EPHB1: variants seen among roughly 807,000 people sequenced by gnomAD.
EPHB1 encodes the protein ephrin type-B receptor 1.
EPHB1 carries 30 observed loss-of-function variants against 94.4 expected under a neutral mutation model. The observed-to-expected ratio is 0.32, with a 90% CI of 0.24 to 0.43. The LOEUF (loss-of-function observed/expected upper bound fraction) is 0.43. Among genes scored for constraint, EPHB1 ranks in the 20% least tolerant of loss-of-function variants. The probability of loss-of-function intolerance (pLI) is 1.00; values close to 1 mark genes in which losing one functional copy is unlikely to be tolerated. For synonymous variants in EPHB1, 522 were observed against 489.1 expected, an observed-to-expected ratio of 1.07 and a Z score of -0.89; for missense variants, 1,055 against 1,308.3, an observed-to-expected ratio of 0.81 and a Z score of 2.99.
At chr3:135,233,230 A>ATTAG (rs750626426) in intron 12 of EPHB1, among the ~76,000 whole-genome samples, 1 of 152,234 alleles carries the variant, frequency 6.6e-6, no homozygotes, top group Non-Finnish European at 1.5e-5. Context: ...TCAAAAGCAA[A>ATTAG]TTAGTTACTT....
Position 134,890,356 on chromosome 3 carries a change from C to T in EPHB1, c.59-35460C>T, listed in dbSNP as rs550322279. Reference sequence around the variant, plus strand: ...TCCATCCATGTTGAGACAAGTTGCTCTAGTCCATTACTGCCAAAGCTTTAT... The same window carrying T: ...TCCATCCATGTTGAGACAAGTTGCTTTAGTCCATTACTGCCAAAGCTTTAT... On this transcript the variant is annotated intron_variant, in intron 1 of 15. Transcript: ENST00000398015. 5.3e-4 allele frequency among the ~76,000 whole-genome samples: 80 copies of T among 152,348 alleles called. No homozygotes were observed. The South Asian group carries it at 7.1e-3, about 13-fold the overall frequency.
chr3:134,831,778 C>T (rs548347215), intron 1 of EPHB1, among the ~76,000 whole-genome samples: 2 of 152,320 alleles, frequency 1.3e-5, no homozygotes, highest in South Asian at 2.1e-4. Context: ...GTTACAGAAG[C>T]AATACGTGCT....
chr3:135,214,716 A>T (rs955505056), intron 12 of EPHB1, among the ~76,000 whole-genome samples: 7 of 152,186 alleles, frequency 4.6e-5, no homozygotes, highest in African/African-American at 1.7e-4. Flanking sequence ...GAGAGCATGC[A>T]TTTCAGCCAC....
chr3:135,255,191 GT>G (rs1389313483), intron 15 of EPHB1, among the ~76,000 whole-genome samples: 1 of 151,978 alleles, frequency 6.6e-6, no homozygotes, highest in East Asian at 1.9e-4. Context: ...TTTTTGAAGG[GT>G]TTTTTATGTC....
At chr3:135,172,046 C>A (rs773844802) in intron 9 of EPHB1, among the ~76,000 whole-genome samples, 16 of 152,176 alleles carry the variant, frequency 1.1e-4, no homozygotes, top group Non-Finnish European at 2.2e-4. Context: ...TAAACAGTGT[C>A]TTCTGTGTGG....
At chr3:134,962,559 G>T (rs6768899) in intron 3 of EPHB1, among the ~76,000 whole-genome samples, 1 of 151,748 alleles carries the variant, frequency 6.6e-6, no homozygotes, top group South Asian at 2.1e-4. Context: ...GGCCGAATCT[G>T]CCTGGTTTGC....
intron 1 of EPHB1, among the ~76,000 whole-genome samples, chr3:134,806,879 G>T (rs528317987): frequency 5.3e-4 from 81 of 152,328 alleles, no homozygotes; most frequent in African/African-American, 1.8e-3. Context: ...GCTATAAAGG[G>T]AGTAAACAAG....
In EPHB1 at chr3:135,176,047, T is replaced by C. The variant is rs562671042; in HGVS notation, c.1760-3813T>C. ...TTCTGCCTAGCTAAAGGCTTTTTTT[T>C]CCCCTCATCATCTTCTAAGATTTGG... On this transcript the variant is annotated intron_variant, in intron 9 of 15. Coordinates refer to ENST00000398015, the MANE Select transcript of EPHB1 (RefSeq NM_004441.5). Among the ~76,000 whole-genome samples, 578 of 152,180 alleles carry C rather than the reference T, an allele frequency of 3.8e-3. 2 individuals are homozygous for C. Among genetic ancestry groups the C allele is most frequent in the African/African-American group, 0.013 (539 of 41,534 alleles).
intron 1 of EPHB1, among the ~76,000 whole-genome samples, chr3:134,873,198 G>T (rs779506095): frequency 6.6e-6 from 1 of 152,222 alleles, no homozygotes; most frequent in African/African-American, 2.4e-5. Flanking sequence ...GAGCAAGAGC[G>T]AGAGGTTATG....
chr3:134,870,721 A>G (rs1171199159), intron 1 of EPHB1, among the ~76,000 whole-genome samples: 2 of 152,240 alleles, frequency 1.3e-5, no homozygotes, highest in Non-Finnish European at 1.5e-5. Context: ...TGTCAATACA[A>G]TGGGGACAAA....
intron 6 of EPHB1, among the ~76,000 whole-genome samples, chr3:135,161,770 A>G (rs1576436616): frequency 6.6e-6 from 1 of 152,038 alleles, no homozygotes; most frequent in South Asian, 2.1e-4. Context: ...GTCCCTGAGC[A>G]CTCAGTCATT....
chr3:135,038,197 C>T (rs1411881537), intron 3 of EPHB1, among the ~76,000 whole-genome samples: 4 of 152,156 alleles, frequency 2.6e-5, no homozygotes, highest in African/African-American at 9.7e-5. Context: ...ACTTTTCACC[C>T]GTGGTGGGGT....
intron 12 of EPHB1, among the ~76,000 whole-genome samples, chr3:135,208,290 CGTGTGTGTGTGT>C (rs55947191): frequency 1.7e-3 from 236 of 142,776 alleles, no homozygotes; most frequent in African/African-American, 4.2e-3. Context: ...CCTTTCATGA[CGTGTGTGTGTGT>C]GTGTGTGTGT....
intron 1 of EPHB1, among the ~76,000 whole-genome samples, chr3:134,924,167 A>T (rs965251313): frequency 1.3e-5 from 2 of 152,248 alleles, no homozygotes; most frequent in Non-Finnish European, 2.9e-5. Context: ...TAGGAGAAAA[A>T]AATCTTTGTG....
chr3:135,026,918 G>T, intron 3 of EPHB1, among the ~76,000 whole-genome samples: 2 of 126,278 alleles, frequency 1.6e-5, no homozygotes, highest in South Asian at 6.0e-4. Context: ...TCTCCTTGAA[G>T]AGGTCCTTCA....
chr3:134,835,675 C>T (rs1475121414), intron 1 of EPHB1, among the ~76,000 whole-genome samples: 1 of 152,170 alleles, frequency 6.6e-6, no homozygotes, highest in Non-Finnish European at 1.5e-5. Flanking sequence ...GTGGGACATA[C>T]ATTGGAGTTG....
intron 2 of EPHB1, among the ~76,000 whole-genome samples, chr3:134,936,309 G>A (rs963144796): frequency 6.6e-6 from 1 of 152,168 alleles, no homozygotes; most frequent in Non-Finnish European, 1.5e-5. Context: ...TGTGGGGTTG[G>A]GGGACCAAAG....
chr3:135,107,984 A>G (rs1433007604), intron 4 of EPHB1, among the ~76,000 whole-genome samples: 1 of 152,200 alleles, frequency 6.6e-6, no homozygotes, highest in African/African-American at 2.4e-5. Flanking sequence ...GCATTGTTTA[A>G]TGTACTTCTT....
intron 3 of EPHB1, among the ~76,000 whole-genome samples, chr3:135,006,472 ATATT>A (rs1191327762): frequency 3.9e-5 from 6 of 152,250 alleles, no homozygotes; most frequent in African/African-American, 1.4e-4. Context: ...AAAATGATAA[ATATT>A]TAGTTACAGT....
Sources: gnomAD v4.1 joint callset for allele counts (sites outside exome capture counted in the v4.1 genomes callset) on GRCh38, gnomAD v4.1.1 for gene constraint, MANE v1.5 for transcripts, NCBI Gene and HGNC (gene_info 2026-07-23, HGNC 2026-07-21) for gene names.